TASOR: variants seen among roughly 807,000 people sequenced by gnomAD.
TASOR encodes transcription activation suppressor.
TASOR carries 53 observed loss-of-function variants against 178.6 expected under a neutral mutation model. The ratio of observed to expected loss-of-function variants is 0.30; its 90% confidence interval spans 0.24 to 0.37. The LOEUF is 0.37. Among genes scored for constraint, TASOR ranks in the 10% least tolerant of loss-of-function variants. The pLI, the probability that TASOR is intolerant of heterozygous loss-of-function variation, is 1.00. For synonymous variants in TASOR, 713 were observed against 696.2 expected (o/e 1.02, Z -0.38); for missense variants, 1,815 against 1,971.4 (o/e 0.92, Z 1.50).
At chr3:56,675,903 A>G (rs1403338187) in intron 1 of TASOR, among the ~76,000 whole-genome samples, 1 of 152,266 alleles carries the variant, frequency 6.6e-6, no homozygotes, top group African/African-American at 2.4e-5. Flanking sequence ...TGTATATATT[A>G]CATAAGTGTC....
At chr3:56,636,509 A>G (rs2077020780) in intron 17 of TASOR, among the ~76,000 whole-genome samples, 1 of 151,260 alleles carries the variant, frequency 6.6e-6, no homozygotes, top group South Asian at 2.1e-4. Flanking sequence ...GGTTCAAACA[A>G]TTCTCCTGCC....
At chr3:56,681,902 G>C (rs958017077) in intron 1 of TASOR, among the ~76,000 whole-genome samples, 2 of 151,982 alleles carry the variant, frequency 1.3e-5, no homozygotes, top group Non-Finnish European at 2.9e-5. Flanking sequence ...TTTTTAACCT[G>C]AAGTTCTACC....
At chr3:56,671,499 A>G (rs2030732392) in intron 3 of TASOR, 101 bp downstream of exon 3, 1 of 793,578 alleles carries the variant, frequency 1.3e-6, no homozygotes. Flanking sequence ...TATATATCAA[A>G]AAAGTCTGTA....
In TASOR at chr3:56,671,671, G is replaced by A. The variant is rs997367278; in HGVS notation, c.499C>T (p.Leu167=). Reference sequence around the variant, plus strand: ...TTATCTAAACGACCATCAAACTTCAGTTCTCTTCGCTTTTCTGTAAACTAA... The same window carrying A: ...TTATCTAAACGACCATCAAACTTCAATTCTCTTCGCTTTTCTGTAAACTAA... The part of the protein sequence containing the change: ...EKEFTEKRRE[L]KFDGRLDKEL... Residue 167 remains leucine (L), a synonymous_variant, in exon 3 of 24, where the codon CTG becomes TTG. Coordinates refer to ENST00000683822, the MANE Select transcript of TASOR (RefSeq NM_001365635.2). 2 of 1,548,600 alleles carry A rather than the reference G, an allele frequency of 1.3e-6. No individual in the cohort carries two copies. Among genetic ancestry groups the A allele is most frequent in the African/African-American group, 2.7e-5 (2 of 72,930 alleles).
intron 21 of TASOR, among the ~76,000 whole-genome samples, chr3:56,626,786 TTACTC>T (rs1469981558): frequency 1.3e-5 from 2 of 151,888 alleles, no homozygotes; most frequent in African/African-American, 4.8e-5. Context: ...ATTTGGATGA[TTACTC>T]TAAATCCACA....
At chr3:56,637,889 T>A (rs1339314898) in intron 17 of TASOR, among the ~76,000 whole-genome samples, 1 of 151,982 alleles carries the variant, frequency 6.6e-6, no homozygotes, top group Non-Finnish European at 1.5e-5. Flanking sequence ...ATCTCCTAGG[T>A]ACCCACTGCC....
chr3:56,668,304 T>A, intron 6 of TASOR, 93 bp downstream of exon 6: 1 of 1,200,962 alleles, frequency 8.3e-7, no homozygotes, highest in East Asian at 2.5e-5. Flanking sequence ...TAGACTAATG[T>A]GGGGACAGAG....
At chr3:56,655,874 T>C (rs1412590756) in intron 11 of TASOR, among the ~76,000 whole-genome samples, 3 of 152,188 alleles carry the variant, frequency 2.0e-5, no homozygotes, top group Non-Finnish European at 2.9e-5. Flanking sequence ...CAAAATCTTA[T>C]TGTAATGTAC....
intron 21 of TASOR, among the ~76,000 whole-genome samples, chr3:56,625,264 T>G (rs1366434596): frequency 1.3e-5 from 2 of 152,218 alleles, no homozygotes; most frequent in Non-Finnish European, 2.9e-5. Flanking sequence ...TTCTACTTAC[T>G]AAATAATAAA....
chr3:56,662,366 G>C lies in TASOR; in HGVS notation c.1160+19C>G, dbSNP rs550498652. On this transcript the variant is annotated intron_variant, in intron 9 of 23. Transcript: ENST00000683822. ...GTGATAAAATTAGCAACCACGAACTGCTCTTTACTTATACTTACAGTTTGA... is the reference window on the plus strand; with the variant it reads ...GTGATAAAATTAGCAACCACGAACTCCTCTTTACTTATACTTACAGTTTGA... 5.5e-5 allele frequency: 73 copies of C among 1,326,414 alleles called. No individual in the cohort carries two copies. In the South Asian group the frequency reaches 8.8e-4, roughly 16 times the overall value. The allele number at this position is 1,326,414 out of a possible 1,614,324, so 82.2% of individuals were successfully genotyped here.
chr3:56,628,863 C>A, intron 18 of TASOR: 1 of 256,738 alleles, frequency 3.9e-6, no homozygotes, highest in Non-Finnish European at 7.3e-6. Flanking sequence ...CAGGCTCAAG[C>A]CACCCTCCCA....
At chr3:56,681,683 G>C (rs1006995065) in intron 1 of TASOR, among the ~76,000 whole-genome samples, 1 of 152,008 alleles carries the variant, frequency 6.6e-6, no homozygotes, top group Admixed American at 6.6e-5. Flanking sequence ...CCATACAGTA[G>C]GGCAAAAAGG....
intron 18 of TASOR, among the ~76,000 whole-genome samples, chr3:56,630,595 G>A (rs916517291): frequency 6.6e-6 from 1 of 152,134 alleles, no homozygotes; most frequent in Non-Finnish European, 1.5e-5. Flanking sequence ...TGTAATCCCA[G>A]TACTTTGGGA....
intron 18 of TASOR, among the ~76,000 whole-genome samples, chr3:56,631,584 GT>G (rs932459148): frequency 1.4e-3 from 163 of 113,410 alleles, no homozygotes; most frequent in Middle Eastern, 4.3e-3. Context: ...GTGTTTTTTT[GT>G]TTTTTTTTTT....
chr3:56,645,949 C>T (rs1364789562), intron 14 of TASOR, among the ~76,000 whole-genome samples: 2 of 152,092 alleles, frequency 1.3e-5, no homozygotes, highest in Non-Finnish European at 2.9e-5. Flanking sequence ...GAGATCGAGA[C>T]CATCCTGGCT....
chr3:56,644,345 A>C (rs940042277), intron 14 of TASOR, among the ~76,000 whole-genome samples: 3 of 152,210 alleles, frequency 2.0e-5, no homozygotes, highest in African/African-American at 7.2e-5. Flanking sequence ...AGTATGTGTC[A>C]GTAAGTGCTA....
intron 7 of TASOR, among the ~76,000 whole-genome samples, chr3:56,665,164 A>G (rs1027286204): frequency 2.0e-5 from 3 of 151,928 alleles, no homozygotes; most frequent in African/African-American, 7.3e-5. Flanking sequence ...CTTTGTCTCT[A>G]AAGAGGAAAA....
At chr3:56,653,262 CAAAAAAAAAAAA>C (rs1176419181) in intron 11 of TASOR, among the ~76,000 whole-genome samples, 30 of 4,972 alleles carry the variant, frequency 6.0e-3, no homozygotes, top group Middle Eastern at 0.25. Flanking sequence ...GACTCCATCT[CAAAAAAAAAAAA>C]AAAAAAAAAA....
chr3:56,674,550 T>C (rs908212817), intron 1 of TASOR, among the ~76,000 whole-genome samples: 2 of 152,114 alleles, frequency 1.3e-5, no homozygotes, highest in Non-Finnish European at 2.9e-5. Flanking sequence ...TCACGTGGCT[T>C]CTTGTATAAT....
Sources: allele counts gnomAD v4.1 joint callset (sites outside exome capture counted in the v4.1 genomes callset), GRCh38; gene constraint gnomAD v4.1.1; transcripts MANE v1.5; gene names NCBI Gene and HGNC (gene_info 2026-07-23, HGNC 2026-07-21).